The following MINDY3 variants were observed in gnomAD, a reference collection of about 807,000 sequenced individuals.
The protein encoded by MINDY3 is ubiquitin carboxyl-terminal hydrolase MINDY-3.
Under a neutral mutation model 69.2 loss-of-function variants are expected in MINDY3, and 38 were observed. That is an observed-to-expected ratio of 0.55 (90% confidence interval 0.42 to 0.72). MINDY3 has a LOEUF of 0.72. MINDY3 is among the 30% of genes least tolerant of loss of function. The pLI, the probability that MINDY3 is intolerant of heterozygous loss-of-function variation, is 0.00. For missense variants in MINDY3, 522 were observed against 519.0 expected (o/e 1.01, Z -0.06); for synonymous variants, 192 against 180.1 (o/e 1.07, Z -0.53).
intron 10 of MINDY3, among the ~76,000 whole-genome samples, 162 bp from the exon 11 acceptor site, chr10:15,796,334 C>T (rs192125387): frequency 6.6e-5 from 10 of 152,008 alleles, no homozygotes; most frequent in Admixed American, 6.6e-4. Flanking sequence ...CTCTCCAGGC[C>T]ATTTATTTTA....
intron 8 of MINDY3, among the ~76,000 whole-genome samples, chr10:15,832,916 T>G (rs1242926976): frequency 6.6e-6 from 1 of 152,212 alleles, no homozygotes; most frequent in East Asian, 1.9e-4. Flanking sequence ...CTGTGAGCTC[T>G]GGGAACCCTG....
intron 10 of MINDY3, among the ~76,000 whole-genome samples, chr10:15,797,523 A>G (rs551612150): frequency 6.6e-6 from 1 of 151,876 alleles, no homozygotes; most frequent in Non-Finnish European, 1.5e-5. Flanking sequence ...TTATTGCTGG[A>G]CCCTTGAATT....
At chr10:15,823,837 C>A (rs1443859021) in intron 8 of MINDY3, among the ~76,000 whole-genome samples, 2 of 152,158 alleles carry the variant, frequency 1.3e-5, no homozygotes, top group African/African-American at 4.8e-5. Context: ...ATCTATCATT[C>A]CACTCTCTAC....
At chr10:15,830,184 A>C (rs1300254761) in intron 8 of MINDY3, among the ~76,000 whole-genome samples, 3 of 152,232 alleles carry the variant, frequency 2.0e-5, no homozygotes, top group Non-Finnish European at 4.4e-5. Flanking sequence ...TATAAAGGGC[A>C]GTTACAACTA....
chr10:15,782,854 A>G (rs986770234), intron 13 of MINDY3, among the ~76,000 whole-genome samples: 1 of 152,212 alleles, frequency 6.6e-6, no homozygotes, highest in Non-Finnish European at 1.5e-5. Context: ...TTGTAGAAAA[A>G]TGGGTCATGT....
chr10:15,860,487 C>A lies in MINDY3; in HGVS notation c.-188G>T. The A allele has an allele frequency of 1.7e-6, 1 of 602,876 alleles. No homozygotes were observed. The highest frequency in any genetic ancestry group is 2.9e-6 in the Non-Finnish European group (1 of 343,016). The allele number at this position is 602,876 out of a possible 1,614,324, so 37.3% of individuals were successfully genotyped here. ...CTGTCAAGCCAGGTTGGGGCAGCAG[C>A]GAGTTTTCCGTACCGGAAGTGCTGG... On this transcript the variant is annotated 5_prime_UTR_variant, in exon 1 of 15. Coordinates refer to ENST00000277632, the MANE Select transcript of MINDY3 (RefSeq NM_024948.4).
At position 15,789,317 on chromosome 10, in the gene MINDY3, T is replaced by A. The variant is rs1397329903; in HGVS notation, c.958A>T (p.Asn320Tyr). 3 of 1,609,324 alleles carry A rather than the reference T, an allele frequency of 1.9e-6. No homozygotes were observed. The highest frequency in any genetic ancestry group is 2.5e-6 in the Non-Finnish European group (3 of 1,176,858). The stretch of plus-strand genomic sequence containing the variant: ...AGAAGTGAATCGGGTATGAATCCAT[T>A]ATCTAGGGGGGAAAAAATCAGAAAC... ...RVFQTYDPED[N>Y]GFIPDSLLED... Residue 320 changes from asparagine (N) to tyrosine (Y), a missense_variant and splice_region_variant, in exon 12 of 15, where the codon AAT becomes TAT. Physicochemically the swap from Asn to Tyr is moderately radical, Grantham distance 143. Transcript: ENST00000277632.
intron 3 of MINDY3, among the ~76,000 whole-genome samples, chr10:15,842,724 T>C (rs1833559996): frequency 6.6e-6 from 1 of 151,780 alleles, no homozygotes. Flanking sequence ...TTCTTGTTAT[T>C]ATAAGGTGGC....
intron 11 of MINDY3, among the ~76,000 whole-genome samples, chr10:15,795,465 C>T (rs751589294): frequency 7.2e-5 from 11 of 151,998 alleles, no homozygotes; most frequent in South Asian, 2.1e-4. Context: ...CACGGTACTT[C>T]GTAAGGGAAC....
At chr10:15,831,989 T>A (rs1840499755) in intron 8 of MINDY3, among the ~76,000 whole-genome samples, 1 of 152,128 alleles carries the variant, frequency 6.6e-6, no homozygotes, top group South Asian at 2.1e-4. Flanking sequence ...GAGCCTCCTA[T>A]TCTTGAAACC....
At chr10:15,823,407 T>C (rs560525712) in intron 8 of MINDY3, among the ~76,000 whole-genome samples, 5 of 152,310 alleles carry the variant, frequency 3.3e-5, no homozygotes, top group African/African-American at 7.2e-5. Flanking sequence ...ATCTGTTATA[T>C]TGTATCAGAC....
chr10:15,847,587 T>TA (rs1833941318), intron 2 of MINDY3, among the ~76,000 whole-genome samples: 1 of 152,282 alleles, frequency 6.6e-6, no homozygotes, highest in African/African-American at 2.4e-5. Context: ...ATCTCTGTGT[T>TA]AAAGAAGTCA....
chr10:15,846,566 T>C (rs1417399200), intron 2 of MINDY3, among the ~76,000 whole-genome samples: 1 of 152,050 alleles, frequency 6.6e-6, no homozygotes, highest in Admixed American at 6.6e-5. Flanking sequence ...AAAAGTCAAC[T>C]TAAAAAAATA....
chr10:15,799,851 C>T (rs1424728897), intron 10 of MINDY3, among the ~76,000 whole-genome samples: 1 of 152,116 alleles, frequency 6.6e-6, no homozygotes, highest in African/African-American at 2.4e-5. Flanking sequence ...ACTTGGCACA[C>T]TACGAACACT....
chr10:15,836,711 A>G (rs2132069614), intron 6 of MINDY3, among the ~76,000 whole-genome samples: 1 of 151,906 alleles, frequency 6.6e-6, no homozygotes, highest in Middle Eastern at 3.4e-3. Context: ...GGATCCAGGG[A>G]AGAAAATTTC....
chr10:15,848,126 C>A (rs887832204), intron 1 of MINDY3, among the ~76,000 whole-genome samples, 183 bp from the exon 2 acceptor site: 4 of 152,082 alleles, frequency 2.6e-5, no homozygotes, highest in Non-Finnish European at 5.9e-5. Context: ...ACCCCCACTC[C>A]CAAATGCACG....
chr10:15,795,081 G>T (rs985818681), intron 11 of MINDY3, among the ~76,000 whole-genome samples: 7 of 152,010 alleles, frequency 4.6e-5, no homozygotes, highest in Non-Finnish European at 8.8e-5. Context: ...TGAAAGCCAT[G>T]TGTTTGGTTT....
At position 15,778,834 on chromosome 10, in the gene MINDY3, A is replaced by T; in HGVS notation, c.*158T>A. The T allele has an allele frequency of 3.4e-6, 2 of 579,988 alleles. No individual in the cohort carries two copies. The highest frequency in any genetic ancestry group is 5.7e-6 in the Non-Finnish European group (2 of 353,810). The allele number at this position is 579,988 out of a possible 1,614,324, so 35.9% of individuals were successfully genotyped here. ...TCTTTAACATAAAGCTTTAGGACAA[A>T]TAATTTAAACATATCATAAACACTG... On this transcript the variant is annotated 3_prime_UTR_variant, in exon 15 of 15. Coordinates refer to ENST00000277632, the MANE Select transcript of MINDY3 (RefSeq NM_024948.4).
Position 15,817,050 on chromosome 10 carries a change from T to C in MINDY3, c.802-135A>G. 3 of 663,614 alleles carry C rather than the reference T, an allele frequency of 4.5e-6. No individual in the cohort carries two copies. The South Asian group carries it at 5.8e-5, about 13-fold the overall frequency. 41.1% of individuals were successfully genotyped at this position (663,614 alleles called of 1,614,324 possible). A position where few individuals can be genotyped will look rare whatever the true frequency, so the allele number is the denominator to read the frequency against. On this transcript the variant is annotated intron_variant, in intron 9 of 14. Coordinates refer to ENST00000277632, the MANE Select transcript of MINDY3 (RefSeq NM_024948.4). Reference sequence around the variant, plus strand: ...AAATAATGTATTGTGCCCGAGCACTTCACCCATAGAGATCAAATGCTGAAT... The same window carrying C: ...AAATAATGTATTGTGCCCGAGCACTCCACCCATAGAGATCAAATGCTGAAT...
Sources: allele counts gnomAD v4.1 joint callset (sites outside exome capture counted in the v4.1 genomes callset), GRCh38; gene constraint gnomAD v4.1.1; transcripts MANE v1.5; gene names NCBI Gene and HGNC (gene_info 2026-07-23, HGNC 2026-07-21).